Variants in RIMKLB observed in about 807,000 individuals in gnomAD.
RIMKLB encodes beta-citrylglutamate synthase B.
A neutral mutation model predicts 32.0 loss-of-function variants in RIMKLB; 7 were observed. That is an observed-to-expected ratio of 0.22 (90% CI 0.12 to 0.41). The LOEUF is 0.41. Among genes scored for constraint, RIMKLB ranks in the 10% least tolerant of loss-of-function variants. RIMKLB has a pLI of 1.00. For missense variants in RIMKLB, 289 were observed against 498.7 expected, an observed-to-expected ratio of 0.58 and a Z score of 4.00; for synonymous variants, 172 against 185.1, an observed-to-expected ratio of 0.93 and a Z score of 0.57.
chr12:8,775,939 T>A lies in RIMKLB; in HGVS notation c.*2155T>A. 1 of 984,654 alleles carries A rather than the reference T, an allele frequency of 1.0e-6. No homozygotes were observed. The highest frequency in any genetic ancestry group is 1.2e-6 in the Non-Finnish European group (1 of 829,198). The allele number at this position is 984,654 out of a possible 1,614,324, so 61.0% of individuals were successfully genotyped here. A position where few individuals can be genotyped will look rare whatever the true frequency, so the allele number is the denominator to read the frequency against. On this transcript the variant is annotated 3_prime_UTR_variant, in exon 6 of 6. Transcript: ENST00000535829. ...TTAACAGAAAGAAATACTTGGTACTTCTTTCGCTGAATGACCATACTGTGG... is the reference window on the plus strand; with the variant it reads ...TTAACAGAAAGAAATACTTGGTACTACTTTCGCTGAATGACCATACTGTGG...
chr12:8,727,058 T>C (rs1344779307), intron 2 of RIMKLB, among the ~76,000 whole-genome samples: 1 of 152,236 alleles, frequency 6.6e-6, no homozygotes, highest in Non-Finnish European at 1.5e-5. Context: ...TCATGGGTAG[T>C]GCAAAATATT....
chr12:8,748,081 A>G (rs986109257), intron 2 of RIMKLB, among the ~76,000 whole-genome samples: 1 of 152,164 alleles, frequency 6.6e-6, no homozygotes, highest in South Asian at 2.1e-4. Context: ...ATATATCTAT[A>G]TATGTTTCTG....
At chr12:8,753,864 T>G in intron 4 of RIMKLB, 26 bp from the exon 5 acceptor site, 1 of 1,578,514 alleles carries the variant, frequency 6.3e-7, no homozygotes, top group Non-Finnish European at 8.7e-7. Flanking sequence ...TGACTTAACA[T>G]GTATTTTTAT....
At chr12:8,754,173 C>G (rs924368000) in intron 5 of RIMKLB, 80 bp downstream of exon 5, 27 of 1,024,054 alleles carry the variant, frequency 2.6e-5, no homozygotes, top group Non-Finnish European at 3.4e-5. Context: ...GTATGTAACT[C>G]TAGACCTTCT....
At chr12:8,772,753 G>C (rs1034261327) in intron 5 of RIMKLB, among the ~76,000 whole-genome samples, 6 of 152,166 alleles carry the variant, frequency 3.9e-5, no homozygotes, top group African/African-American at 1.4e-4. Context: ...TCAGAGCTTC[G>C]TGAAGCTGAT....
intron 2 of RIMKLB, among the ~76,000 whole-genome samples, chr12:8,727,914 A>T (rs1000309594): frequency 6.6e-6 from 1 of 151,696 alleles, no homozygotes; most frequent in Non-Finnish European, 1.5e-5. Context: ...AAAAAAAAAA[A>T]ATCTAGTATT....
intron 2 of RIMKLB, among the ~76,000 whole-genome samples, chr12:8,728,178 C>T (rs908547202): frequency 2.0e-5 from 3 of 152,116 alleles, no homozygotes; most frequent in African/African-American, 7.2e-5. Context: ...AGTCTTTAGC[C>T]TATAAATCAC....
chr12:8,749,902 A>G lies in RIMKLB; in HGVS notation c.216A>G (p.Gln72=). The G allele has an allele frequency of 1.9e-6, 3 of 1,611,554 alleles. No homozygotes were observed. Among genetic ancestry groups the G allele is most frequent in the South Asian group, 2.2e-5 (2 of 90,986 alleles). Residue 72 remains glutamine, a synonymous_variant, in exon 3 of 6, where the codon CAA becomes CAG. Coordinates refer to ENST00000535829, the MANE Select transcript of RIMKLB (RefSeq NM_001297776.2). The part of the protein sequence containing the change: ...INGELITAYP[Q]VVVVRVPTPW... ...GAGAGCTAATCACTGCCTACCCACA[A>G]GTGGTGGTAGTCAGAGTACCAACCC...
At chr12:8,727,634 TTGTTGG>T (rs1946152803) in intron 2 of RIMKLB, among the ~76,000 whole-genome samples, 2 of 152,178 alleles carry the variant, frequency 1.3e-5, no homozygotes, top group African/African-American at 4.8e-5. Flanking sequence ...TGGCCGGACC[TTGTTGG>T]CTCATGCCAG....
rs1950605417 is a variant in RIMKLB at position 8,774,336 on chromosome 12, GTTTT to G, written c.*555_*558del. On this transcript the variant is annotated 3_prime_UTR_variant, in exon 6 of 6. Coordinates refer to ENST00000535829, the MANE Select transcript of RIMKLB (RefSeq NM_001297776.2). ...TTTTACTGGGATTTCTTATTTTTTT[GTTTT>G]TTCCCGCTTAATTTGGTGGGAGGTC... The G allele has an allele frequency of 1.0e-6, 1 of 985,292 alleles. No homozygotes were observed. The highest frequency in any genetic ancestry group is 4.7e-5 in the South Asian group (1 of 21,272). 61.0% of individuals were successfully genotyped at this position (985,292 alleles called of 1,614,324 possible).
intron 1 of RIMKLB, among the ~76,000 whole-genome samples, chr12:8,708,427 C>T (rs916641042): frequency 6.6e-6 from 1 of 152,054 alleles, no homozygotes; most frequent in African/African-American, 2.4e-5. Flanking sequence ...ATCTTTTATG[C>T]TCTCATTTGT....
chr12:8,702,435 C>T (rs1943489178), intron 1 of RIMKLB, among the ~76,000 whole-genome samples: 1 of 152,196 alleles, frequency 6.6e-6, no homozygotes, highest in Admixed American at 6.5e-5. Flanking sequence ...TGTGACAAAA[C>T]AGATTCAAAC....
Position 8,777,047 on chromosome 12 carries a change from C to A in RIMKLB, c.*3263C>A, listed in dbSNP as rs1023215235. ...GCTATTTGGCTGGTGAGACACGATC[C>A]CCTCCTAAGAAAATGTAGGTGCTCA... On this transcript the variant is annotated 3_prime_UTR_variant, in exon 6 of 6. Transcript: ENST00000535829. 2 of 985,472 alleles carry A rather than the reference C, an allele frequency of 2.0e-6. No individual in the cohort carries two copies. The highest frequency in any genetic ancestry group is 3.5e-5 in the African/African-American group (2 of 57,142). 61.0% of individuals were successfully genotyped at this position (985,472 alleles called of 1,614,324 possible).
intron 5 of RIMKLB, 98 bp downstream of exon 5, chr12:8,754,191 T>TTTTTCAACTTA: frequency 1.2e-6 from 1 of 837,006 alleles, no homozygotes; most frequent in Non-Finnish European, 2.0e-6. Flanking sequence ...TCTTAATAAG[T>TTTTTCAACTTA]TGAAAAACGT....
At chr12:8,767,182 G>C (rs770882170) in intron 5 of RIMKLB, among the ~76,000 whole-genome samples, 1 of 152,208 alleles carries the variant, frequency 6.6e-6, no homozygotes, top group African/African-American at 2.4e-5. Flanking sequence ...TAAAGGAATA[G>C]GGCACACTGT....
upstream of RIMKLB, among the ~76,000 whole-genome samples, chr12:8,695,694 CTT>C (rs397951288): frequency 1.7e-4 from 22 of 132,708 alleles, no homozygotes; most frequent in African/African-American, 1.7e-4. Flanking sequence ...TGAATAGCAA[CTT>C]TTTTTTTTTT....
At chr12:8,773,253 A>T (rs754604128) in intron 5 of RIMKLB, 68 bp from the exon 6 acceptor site, 29 of 1,126,156 alleles carry the variant, frequency 2.6e-5, no homozygotes, top group Non-Finnish European at 3.7e-5. Flanking sequence ...TTAGCCTTGG[A>T]GGCCAACTTT....
chr12:8,672,907 T>G, the RIMKLB span, among the ~76,000 whole-genome samples: 1 of 152,108 alleles, frequency 6.6e-6, no homozygotes, highest in Non-Finnish European at 1.5e-5. Flanking sequence ...TAAACCTCTT[T>G]TGTCTATAAA....
chr12:8,678,529 T>TG (rs1283141408), upstream of RIMKLB, among the ~76,000 whole-genome samples: 1 of 151,968 alleles, frequency 6.6e-6, no homozygotes, highest in African/African-American at 2.4e-5. Context: ...GGTTTCTCCA[T>TG]GTTTGTCAGG....
Sources: gnomAD v4.1 joint callset for allele counts (sites outside exome capture counted in the v4.1 genomes callset) on GRCh38, gnomAD v4.1.1 for gene constraint, MANE v1.5 for transcripts, NCBI Gene and HGNC (gene_info 2026-07-23, HGNC 2026-07-21) for gene names.